ENPP1: variants seen among roughly 807,000 people sequenced by gnomAD.
ENPP1 encodes the protein ectonucleotide pyrophosphatase/phosphodiesterase 1.
A neutral mutation model predicts 122.8 loss-of-function variants in ENPP1; 73 were observed. The observed-to-expected ratio is 0.59, with a 90% CI of 0.49 to 0.72. The LOEUF is 0.72. Among genes scored for constraint, ENPP1 ranks in the 30% least tolerant of loss-of-function variants. ENPP1 has a pLI of 0.00. For synonymous variants in ENPP1, 367 were observed against 391.6 expected (o/e 0.94, Z 0.74); for missense variants, 978 against 1,128.1 (o/e 0.87, Z 1.91).
intron 1 of ENPP1, among the ~76,000 whole-genome samples, chr6:131,813,826 T>C (rs1440235353): frequency 6.6e-6 from 1 of 152,096 alleles, no homozygotes; most frequent in African/African-American, 2.4e-5. Flanking sequence ...TGGCAGAGAG[T>C]GGGTCCACTC....
rs372751287 is a variant in ENPP1 at position 131,820,979 on chromosome 6, A to G, written c.240+12704A>G. Among the ~76,000 whole-genome samples, 6 of 152,340 alleles carry G rather than the reference A, an allele frequency of 3.9e-5. No individual in the cohort carries two copies. In the South Asian group the frequency reaches 1.0e-3, roughly 26 times the overall value. On this transcript the variant is annotated intron_variant, in intron 1 of 24. Transcript: ENST00000647893. ...TAATGTGTACAAAATGGTGCATAAT[A>G]TGCCCTGAATAAGTGGTTTTTTCTT...
intron 1 of ENPP1, among the ~76,000 whole-genome samples, chr6:131,818,542 G>A (rs1057052177): frequency 4.9e-4 from 74 of 152,054 alleles, no homozygotes; most frequent in Non-Finnish European, 6.6e-4. Flanking sequence ...CAGCTCCTTG[G>A]GAGGCTGAGG....
rs773371805 is a variant in ENPP1 at position 131,860,423 on chromosome 6, A to G, written c.832A>G (p.Lys278Glu). 2 of 1,596,386 alleles carry G rather than the reference A, an allele frequency of 1.3e-6. No homozygotes were observed. Among genetic ancestry groups the G allele is most frequent in the Non-Finnish European group, 1.7e-6 (2 of 1,164,374 alleles). The change falls in exon 8 of 25, where the codon AAA (lysine) becomes GAA (glutamate). Residue 278 changes from lysine (K) to glutamate (E), a missense_variant. Lys to Glu is a moderately conservative substitution (Grantham distance 56, BLOSUM62 1). Around this residue, in one of 3 missense-constraint regions of ENPP1, gnomAD observed 644 missense variants for 781.5 expected, o/e 0.82. Transcript: ENST00000647893. ...AGAATCTCATGGCATAATCGACAATAAAATGTATGATCCCAAAATGAATGC... is the reference window on the plus strand; with the variant it reads ...AGAATCTCATGGCATAATCGACAATGAAATGTATGATCCCAAAATGAATGC... The part of the protein sequence containing the change: ...YPESHGIIDN[K>E]MYDPKMNASF...
intron 1 of ENPP1, among the ~76,000 whole-genome samples, chr6:131,818,258 A>G (rs905804115): frequency 5.3e-5 from 8 of 152,026 alleles, no homozygotes; most frequent in Admixed American, 4.6e-4. Flanking sequence ...AATGACACCA[A>G]TTGTACAAGT....
intron 1 of ENPP1, among the ~76,000 whole-genome samples, chr6:131,823,635 A>G (rs1199098877): frequency 2.7e-5 from 4 of 149,936 alleles, no homozygotes; most frequent in Non-Finnish European, 5.9e-5. Context: ...GGCACCCACC[A>G]AGACCCAACT....
chr6:131,847,954 T>A, intron 2 of ENPP1, 106 bp downstream of exon 2: 1 of 849,600 alleles, frequency 1.2e-6, no homozygotes, highest in East Asian at 2.6e-5. Context: ...CCTATTCCTA[T>A]GGGTACTCCA....
At position 131,869,074 on chromosome 6, in the gene ENPP1, C is replaced by T. The variant is rs149327208; in HGVS notation, c.1274-284C>T. 3.0e-4 allele frequency among the ~76,000 whole-genome samples: 46 copies of T among 152,194 alleles called. 1 individual carries two copies. In the South Asian group the frequency reaches 4.8e-3, roughly 16 times the overall value. On this transcript the variant is annotated intron_variant, in intron 12 of 24. Coordinates refer to ENST00000647893, the MANE Select transcript of ENPP1 (RefSeq NM_006208.3). ...GGGCAAATAACTGGGCTTTCACATT[C>T]GGTCTAAAAATGTGATAAGACATTC... is the stretch of plus-strand genomic sequence containing the variant.
chr6:131,847,937 A>G (rs569271709), intron 2 of ENPP1, 89 bp downstream of exon 2: 1 of 971,592 alleles, frequency 1.0e-6, no homozygotes, highest in Non-Finnish European at 1.6e-6. Context: ...TGAGGTAAAC[A>G]TTATCTCCTA....
intron 1 of ENPP1, among the ~76,000 whole-genome samples, chr6:131,825,400 A>C (rs913520189): frequency 6.6e-6 from 1 of 152,334 alleles, no homozygotes; most frequent in Middle Eastern, 3.4e-3. Context: ...CACTAGCTAC[A>C]TGTGGCTATT....
intron 1 of ENPP1, among the ~76,000 whole-genome samples, chr6:131,831,370 C>G (rs1270078735): frequency 6.6e-6 from 1 of 152,132 alleles, no homozygotes; most frequent in Non-Finnish European, 1.5e-5. Flanking sequence ...CCATTTGTTA[C>G]AGCTCATGAA....
At chr6:131,867,058 G>A (rs1782099771) in intron 11 of ENPP1, among the ~76,000 whole-genome samples, 1 of 152,128 alleles carries the variant, frequency 6.6e-6, no homozygotes, top group African/African-American at 2.4e-5. Flanking sequence ...ATTTAAGGTT[G>A]AGCCCATTAC....
intron 20 of ENPP1, 94 bp downstream of exon 20, chr6:131,880,128 T>C: frequency 7.8e-7 from 1 of 1,276,732 alleles, no homozygotes; most frequent in Non-Finnish European, 1.1e-6. Context: ...ACCTTGGCTT[T>C]ATACTCAGTT....
intron 24 of ENPP1, among the ~76,000 whole-genome samples, chr6:131,888,299 T>C (rs1056449090): frequency 1.3e-5 from 2 of 151,632 alleles, no homozygotes; most frequent in African/African-American, 4.9e-5. Flanking sequence ...CAAAAAGATG[T>C]AGCTTTCATA....
chr6:131,811,515 C>T (rs924890146), intron 1 of ENPP1, among the ~76,000 whole-genome samples: 6 of 151,908 alleles, frequency 3.9e-5, no homozygotes, highest in African/African-American at 1.5e-4. Context: ...AGTAGATGCT[C>T]CTATTAGCAG....
intron 1 of ENPP1, among the ~76,000 whole-genome samples, chr6:131,809,240 A>G (rs1781319340): frequency 6.6e-6 from 1 of 152,250 alleles, no homozygotes; most frequent in African/African-American, 2.4e-5. Context: ...ATTTCTATGT[A>G]TAGTGTACCC....
At chr6:131,889,878 A>T (rs1040098391) in intron 24 of ENPP1, among the ~76,000 whole-genome samples, 1 of 152,208 alleles carries the variant, frequency 6.6e-6, no homozygotes, top group Non-Finnish European at 1.5e-5. Context: ...TGTCTTCCAC[A>T]GTGGTTGCAC....
rs78518631 is a variant in ENPP1, at chr6:131,886,775, C to T, written c.2607+51C>T. Reference sequence around the variant, plus strand: ...TGCATGTTGAAAATCTAGACATATGCATATTTGTTTATGTCACCCATCTGA... The same window carrying T: ...TGCATGTTGAAAATCTAGACATATGTATATTTGTTTATGTCACCCATCTGA... On this transcript the variant is annotated intron_variant, in intron 24 of 24. Transcript: ENST00000647893. 2.0e-6 allele frequency: 3 copies of T among 1,528,950 alleles called. No homozygotes were observed. In the African/African-American group the frequency reaches 4.1e-5, roughly 21 times the overall value. 94.7% of individuals were successfully genotyped at this position (1,528,950 alleles called of 1,614,324 possible).
chr6:131,857,894 A>G (rs539193586), intron 6 of ENPP1, among the ~76,000 whole-genome samples: 26 of 152,312 alleles, frequency 1.7e-4, no homozygotes, highest in African/African-American at 5.8e-4. Flanking sequence ...TAGAGTTAAG[A>G]GGTGGAGGTA....
At chr6:131,884,458 A>AT (rs1220438005) in intron 22 of ENPP1, among the ~76,000 whole-genome samples, 4 of 152,172 alleles carry the variant, frequency 2.6e-5, no homozygotes, top group Admixed American at 2.6e-4. Flanking sequence ...TGAACAATGA[A>AT]TTTTTGGCCT....
Sources: gnomAD v4.1 joint callset for allele counts (sites outside exome capture counted in the v4.1 genomes callset) on GRCh38, gnomAD v4.1.1 for gene constraint, gnomAD v4.1.1 regional missense constraint, MANE v1.5 for transcripts, NCBI Gene and HGNC (gene_info 2026-07-23, HGNC 2026-07-21) for gene names.